The following RALGPS1 variants were observed in gnomAD, a reference collection of about 807,000 sequenced individuals.
RALGPS1 encodes ras-specific guanine nucleotide-releasing factor RalGPS1.
In RALGPS1, 19 loss-of-function variants were observed where a neutral mutation model predicts 78.8. The ratio of observed to expected loss-of-function variants is 0.24; its 90% CI spans 0.17 to 0.35. The LOEUF is 0.35. RALGPS1 is among the 10% of genes least tolerant of loss of function. RALGPS1 has a pLI of 1.00. For missense variants in RALGPS1, 454 were observed against 688.3 expected (o/e 0.66, Z 3.81); for synonymous variants, 228 against 256.3 (o/e 0.89, Z 1.06).
At position 127,122,030 on chromosome 9, in the gene RALGPS1, C is replaced by T. The variant is rs953402542; in HGVS notation, c.611-44039C>T. On this transcript the variant is annotated intron_variant, in intron 8 of 18. Transcript: ENST00000259351. The surrounding 1 kb of genome is among the most constrained non-coding windows in gnomAD (Gnocchi z 6.4). Reference sequence around the variant, plus strand: ...GCTGCTCTGCCGTGCCGGGAGCTGCCGGCCGGCACCCCAAAGGCTCTTTGT... The same window carrying T: ...GCTGCTCTGCCGTGCCGGGAGCTGCTGGCCGGCACCCCAAAGGCTCTTTGT... Among the ~76,000 whole-genome samples the T allele has an allele frequency of 8.5e-5, 13 of 152,188 alleles. 1 individual carries two copies. The highest frequency in any genetic ancestry group is 1.2e-4 in the African/African-American group (5 of 41,454).
intron 1 of RALGPS1, among the ~76,000 whole-genome samples, chr9:126,949,383 G>A (rs1237063919): frequency 1.3e-5 from 2 of 152,012 alleles, no homozygotes. Context: ...CTGAGGAATC[G>A]CCACACTGAC....
chr9:127,153,651 A>G (rs1040984923), intron 8 of RALGPS1, among the ~76,000 whole-genome samples: 25 of 152,100 alleles, frequency 1.6e-4, no homozygotes, highest in Non-Finnish European at 1.9e-4. Flanking sequence ...CCTCTCCCCA[A>G]TGACCTGCCA....
chr9:127,127,479 G>A (rs930496038), intron 8 of RALGPS1, among the ~76,000 whole-genome samples: 18 of 152,264 alleles, frequency 1.2e-4, no homozygotes, highest in African/African-American at 4.3e-4. Context: ...GAGCCTAGTT[G>A]GTTGGTTGTC....
intron 1 of RALGPS1, among the ~76,000 whole-genome samples, chr9:126,942,465 A>C (rs546357882): frequency 6.6e-6 from 1 of 152,200 alleles, no homozygotes; most frequent in African/African-American, 2.4e-5. Context: ...TTTCATCAAC[A>C]TTTATTGAAG....
intron 3 of RALGPS1, among the ~76,000 whole-genome samples, chr9:126,972,245 A>G (rs1459648818): frequency 6.6e-6 from 1 of 152,210 alleles, no homozygotes; most frequent in African/African-American, 2.4e-5. Flanking sequence ...ATAATTGCAA[A>G]TGATTGAAAC....
chr9:127,169,399 C>G (rs1305376643), intron 10 of RALGPS1, among the ~76,000 whole-genome samples: 1 of 152,126 alleles, frequency 6.6e-6, no homozygotes, highest in East Asian at 1.9e-4. Flanking sequence ...TCAGTTCTTT[C>G]TTCATTTGTG....
At chr9:126,968,194 G>C (rs1251730487) in intron 3 of RALGPS1, among the ~76,000 whole-genome samples, 3 of 151,914 alleles carry the variant, frequency 2.0e-5, no homozygotes, top group African/African-American at 4.8e-5. Flanking sequence ...GTAGAGACAG[G>C]GTTTCACCAT....
intron 11 of RALGPS1, chr9:127,184,390 G>A (rs887726872): frequency 3.7e-5 from 11 of 295,364 alleles, no homozygotes; most frequent in East Asian, 9.5e-5. Flanking sequence ...GGCTGACAGC[G>A]AGAACTCGTG....
intron 8 of RALGPS1, among the ~76,000 whole-genome samples, chr9:127,095,262 G>C (rs1473226141): frequency 6.6e-6 from 1 of 152,162 alleles, no homozygotes; most frequent in African/African-American, 2.4e-5. Context: ...GCCGTGTGTG[G>C]TGGCACGCAC....
At chr9:127,160,032 A>G (rs1200065880) in intron 8 of RALGPS1, among the ~76,000 whole-genome samples, 3 of 152,156 alleles carry the variant, frequency 2.0e-5, no homozygotes, top group Non-Finnish European at 4.4e-5. Context: ...TATTAAAAAG[A>G]TAGCTGTATG....
chr9:127,050,143 T>C lies in RALGPS1; in HGVS notation c.390+11T>C. 6.3e-7 allele frequency: 1 copy of C among 1,589,226 alleles called. No individual in the cohort carries two copies. Among genetic ancestry groups the C allele is most frequent in the Non-Finnish European group, 8.6e-7 (1 of 1,157,478 alleles). On this transcript the variant is annotated intron_variant, in intron 6 of 18. Transcript: ENST00000259351. Reference sequence around the variant, plus strand: ...GTGAAAATAGCCAAGGTAAGCTTTTTATTATTATTTTTCCTTCCTTTCCCT... The same window carrying C: ...GTGAAAATAGCCAAGGTAAGCTTTTCATTATTATTTTTCCTTCCTTTCCCT...
intron 4 of RALGPS1, among the ~76,000 whole-genome samples, chr9:127,007,342 G>A (rs556765210): frequency 6.6e-6 from 1 of 152,274 alleles, no homozygotes; most frequent in African/African-American, 2.4e-5. Flanking sequence ...CTATGACTGG[G>A]TGCTTCCTTA....
At chr9:127,196,430 A>G in intron 12 of RALGPS1, 44 bp from the exon 13 acceptor site, 3 of 1,581,130 alleles carry the variant, frequency 1.9e-6, no homozygotes, top group Non-Finnish European at 2.6e-6. Flanking sequence ...CTGTCACTCC[A>G]TAGATAAGGA....
At chr9:127,130,724 C>T (rs906585339) in intron 8 of RALGPS1, among the ~76,000 whole-genome samples, 17 of 152,192 alleles carry the variant, frequency 1.1e-4, no homozygotes, top group African/African-American at 4.1e-4. Context: ...ACGGTAGATT[C>T]TTTTATTATT....
At chr9:126,920,403 A>G (rs143875019) in intron 1 of RALGPS1, among the ~76,000 whole-genome samples, 4 of 152,276 alleles carry the variant, frequency 2.6e-5, no homozygotes, top group African/African-American at 9.6e-5. Context: ...GAAGAAGGAA[A>G]TATTTGTTGC....
intron 4 of RALGPS1, among the ~76,000 whole-genome samples, chr9:126,985,442 A>T (rs1382243475): frequency 6.6e-6 from 1 of 152,176 alleles, no homozygotes; most frequent in African/African-American, 2.4e-5. Flanking sequence ...TAAAAATTTG[A>T]CTAATATAAT....
At chr9:127,113,909 C>A (rs1247897590) in intron 8 of RALGPS1, among the ~76,000 whole-genome samples, 2 of 152,226 alleles carry the variant, frequency 1.3e-5, no homozygotes, top group Non-Finnish European at 2.9e-5. Context: ...AAGCAAGGGG[C>A]CACTTTGTGG....
chr9:127,081,564 G>T (rs2051174386), intron 8 of RALGPS1, among the ~76,000 whole-genome samples: 1 of 152,242 alleles, frequency 6.6e-6, no homozygotes, highest in Non-Finnish European at 1.5e-5. Context: ...GATGACGAGG[G>T]CGTAGGCCTC....
Position 126,962,329 on chromosome 9 carries a change from A to T in RALGPS1, c.40A>T (p.Thr14Ser). The change falls in exon 2 of 19, where the codon ACC becomes TCC. Residue 14 changes from threonine to serine, a missense_variant. Coordinates refer to ENST00000259351, the MANE Select transcript of RALGPS1 (RefSeq NM_014636.3). Reference sequence around the variant, plus strand: ...TGGTCTGATGGCTAGCGTGTTGGTCACCTCTGCCACTCCACAGGTACTGAG... The same window carrying T: ...TGGTCTGATGGCTAGCGTGTTGGTCTCCTCTGCCACTCCACAGGTACTGAG... ...RNGLMASVLV[T>S]SATPQGSSSS... is the part of the protein sequence containing the mutation. The T allele has an allele frequency of 3.1e-6, 5 of 1,614,050 alleles. No homozygotes were observed. The highest frequency in any genetic ancestry group is 4.2e-6 in the Non-Finnish European group (5 of 1,179,988).
Sources: gnomAD v4.1 joint callset for allele counts (sites outside exome capture counted in the v4.1 genomes callset) on GRCh38, gnomAD v4.1.1 for gene constraint, Gnocchi (gnomAD v3.1) non-coding constraint, MANE v1.5 for transcripts, NCBI Gene and HGNC (gene_info 2026-07-23, HGNC 2026-07-21) for gene names.